ETS1: variants seen among roughly 807,000 people sequenced by gnomAD.
ETS1 encodes the protein protein C-ets-1.
ETS1 carries 15 observed loss-of-function variants against 58.6 expected under a neutral mutation model. The observed-to-expected ratio is 0.26, with a 90% CI of 0.17 to 0.39. The LOEUF (loss-of-function observed/expected upper bound fraction) is 0.39. ETS1 is among the 10% of genes least tolerant of loss of function. The pLI is 1.00. For missense variants in ETS1, 417 were observed against 610.5 expected, an observed-to-expected ratio of 0.68 and a Z score of 3.34; for synonymous variants, 214 against 218.2, an observed-to-expected ratio of 0.98 and a Z score of 0.17.
rs994355644 is a variant in ETS1 at position 128,461,009 on chromosome 11, T to G, written c.*1352A>C. On this transcript the variant is annotated 3_prime_UTR_variant, in exon 10 of 10. Coordinates refer to ENST00000392668, the MANE Select transcript of ETS1 (RefSeq NM_001143820.2). Reference sequence around the variant, plus strand: ...TTCCAAAGACAGCCAAGTCACATTTTATTGAAATGCTCTCTTAATTTCCAT... The same window carrying G: ...TTCCAAAGACAGCCAAGTCACATTTGATTGAAATGCTCTCTTAATTTCCAT... 6.6e-6 allele frequency: 1 copy of G among 152,370 alleles called. No homozygotes were observed. Among genetic ancestry groups the G allele is most frequent in the Non-Finnish European group, 1.5e-5 (1 of 68,054 alleles). The allele number at this position is 152,370 out of a possible 1,614,324, so 9.4% of individuals were successfully genotyped here. A position where few individuals can be genotyped will look rare whatever the true frequency, so the allele number is the denominator to read the frequency against.
At chr11:128,496,940 G>A (rs1028365405) in intron 3 of ETS1, among the ~76,000 whole-genome samples, 3 of 152,108 alleles carry the variant, frequency 2.0e-5, no homozygotes, top group Non-Finnish European at 4.4e-5. Context: ...AGGACTCTTG[G>A]CTCCAGCAAG....
chr11:128,566,331 G>T (rs1251944297), intron 2 of ETS1, among the ~76,000 whole-genome samples: 1 of 152,208 alleles, frequency 6.6e-6, no homozygotes, highest in Non-Finnish European at 1.5e-5. Context: ...AAGGAAAAGA[G>T]AATTGATGGA....
chr11:128,549,040 G>A lies in ETS1; in HGVS notation c.214+7251C>T, dbSNP rs962878353. ...TGGGGTTAGGGACCGGGAGGCTGGG[G>A]GAGGGGAGCGGGCCGCCTCCTCCAG... On this transcript the variant is annotated intron_variant, in intron 3 of 9. Coordinates refer to ENST00000392668, the MANE Select transcript of ETS1 (RefSeq NM_001143820.2). The surrounding 1 kb of genome is among the most constrained non-coding windows in gnomAD (Gnocchi z 4.3). Among the ~76,000 whole-genome samples the A allele has an allele frequency of 3.3e-5, 5 of 152,138 alleles. No homozygotes were observed. The highest frequency in any genetic ancestry group is 5.9e-5 in the Non-Finnish European group (4 of 67,994).
chr11:128,505,675 C>T (rs1254166012), intron 3 of ETS1, among the ~76,000 whole-genome samples: 2 of 152,094 alleles, frequency 1.3e-5, no homozygotes, highest in Admixed American at 6.5e-5. Flanking sequence ...GATCAATGGG[C>T]GAGACCAACC....
At chr11:128,478,924 T>A (rs574704466) in intron 8 of ETS1, among the ~76,000 whole-genome samples, 1 of 152,218 alleles carries the variant, frequency 6.6e-6, no homozygotes, top group Non-Finnish European at 1.5e-5. Context: ...CAGGGTATTG[T>A]AGAAAGAATA....
intron 2 of ETS1, among the ~76,000 whole-genome samples, chr11:128,560,487 C>T: frequency 6.6e-6 from 1 of 152,172 alleles, no homozygotes; most frequent in East Asian, 1.9e-4. Context: ...GAAGAGCAAA[C>T]AGGTTTTAAG....
At chr11:128,550,611 C>G (rs1424216282) in intron 3 of ETS1, among the ~76,000 whole-genome samples, 5 of 152,294 alleles carry the variant, frequency 3.3e-5, no homozygotes, top group African/African-American at 1.2e-4. Context: ...TCAGGCTTCT[C>G]TCAGTACTCT....
At chr11:128,537,174 T>C (rs1163266271) in intron 3 of ETS1, among the ~76,000 whole-genome samples, 3 of 152,230 alleles carry the variant, frequency 2.0e-5, no homozygotes, top group Admixed American at 2.0e-4. Flanking sequence ...AAAATCACTT[T>C]CACCTACCAA....
At chr11:128,555,651 A>C (rs1322253798) in intron 3 of ETS1, among the ~76,000 whole-genome samples, 1 of 152,236 alleles carries the variant, frequency 6.6e-6, no homozygotes, top group East Asian at 1.9e-4. Context: ...ACTAGCTGGT[A>C]AACCAAGAAC....
chr11:128,487,621 C>T (rs1224981884), intron 5 of ETS1, among the ~76,000 whole-genome samples: 3 of 152,062 alleles, frequency 2.0e-5, no homozygotes, highest in African/African-American at 7.2e-5. Flanking sequence ...CGCCTGTAGT[C>T]CCAGCTACTC....
At chr11:128,495,167 G>T (rs1387790698) in intron 3 of ETS1, among the ~76,000 whole-genome samples, 2 of 152,160 alleles carry the variant, frequency 1.3e-5, no homozygotes, top group Non-Finnish European at 2.9e-5. Context: ...TCAAGAGCTT[G>T]ACCTAAAGTC....
At chr11:128,563,934 C>G (rs1864446683) in intron 2 of ETS1, among the ~76,000 whole-genome samples, 2 of 152,178 alleles carry the variant, frequency 1.3e-5, no homozygotes, top group Non-Finnish European at 2.9e-5. Context: ...CATGTAGTTG[C>G]CCTTGTGCGA....
intron 8 of ETS1, among the ~76,000 whole-genome samples, chr11:128,475,882 T>TTG (rs61450075): frequency 0.056 from 8,403 of 149,834 alleles, 397 homozygotes; most frequent in African/African-American, 0.13. Flanking sequence ...ACTAGTACCT[T>TTG]TGTGTGTGTG....
chr11:128,523,452 T>G lies in ETS1; in HGVS notation c.214+32839A>C, dbSNP rs543128689. On this transcript the variant is annotated intron_variant, in intron 3 of 9. Coordinates refer to ENST00000392668, the MANE Select transcript of ETS1 (RefSeq NM_001143820.2). ...CTCCATCTTTGATTAACAGAAAGAT[T>G]AAACATAAATCTTCCTGAGCAATCT... 2.6e-5 allele frequency among the ~76,000 whole-genome samples: 4 copies of G among 152,372 alleles called. No homozygotes were observed. The East Asian group carries it at 5.8e-4, about 22-fold the overall frequency.
intron 3 of ETS1, among the ~76,000 whole-genome samples, chr11:128,539,057 A>G (rs1277353743): frequency 6.6e-6 from 1 of 152,248 alleles, no homozygotes; most frequent in East Asian, 1.9e-4. Flanking sequence ...CTCTAAGTGG[A>G]TCAGAGACAT....
intron 2 of ETS1, among the ~76,000 whole-genome samples, chr11:128,563,780 T>G (rs756241819): frequency 3.9e-5 from 6 of 152,234 alleles, no homozygotes; most frequent in African/African-American, 1.4e-4. Context: ...TGTCACCATC[T>G]GCCCCACATT....
At position 128,549,066 on chromosome 11, in the gene ETS1, C is replaced by A. The variant is rs1484886814; in HGVS notation, c.214+7225G>T. On this transcript the variant is annotated intron_variant, in intron 3 of 9. Transcript: ENST00000392668. This position sits in a 1 kb window ranked among gnomAD's most constrained non-coding sequence, Gnocchi z 4.3. ...GAGGGGAGCGGGCCGCCTCCTCCAG[C>A]TGCAGGCTCCGGGCTGAGACCCCTG... Among the ~76,000 whole-genome samples the A allele has an allele frequency of 6.6e-6, 1 of 152,186 alleles. No individual in the cohort carries two copies. Among genetic ancestry groups the A allele is most frequent in the Non-Finnish European group, 1.5e-5 (1 of 68,022 alleles).
At chr11:128,514,927 T>C (rs1359689944) in intron 3 of ETS1, among the ~76,000 whole-genome samples, 3 of 152,210 alleles carry the variant, frequency 2.0e-5, no homozygotes, top group African/African-American at 4.8e-5. Flanking sequence ...TTTCCTTTCA[T>C]TCATTCTTTC....
intron 3 of ETS1, among the ~76,000 whole-genome samples, chr11:128,540,917 G>A (rs780070812): frequency 5.9e-5 from 9 of 152,168 alleles, no homozygotes; most frequent in African/African-American, 1.4e-4. Context: ...GAATAACAAC[G>A]CTCAAGGATA....
Sources: allele counts gnomAD v4.1 joint callset (sites outside exome capture counted in the v4.1 genomes callset), GRCh38; gene constraint gnomAD v4.1.1; non-coding constraint Gnocchi (gnomAD v3.1); transcripts MANE v1.5; gene names NCBI Gene and HGNC (gene_info 2026-07-23, HGNC 2026-07-21).